The following KCNQ5 variants were observed in gnomAD, a reference collection of about 807,000 sequenced individuals.
The protein encoded by KCNQ5 is potassium voltage-gated channel subfamily Q member 5.
KCNQ5 carries 30 observed loss-of-function variants against 98.2 expected under a neutral mutation model. The ratio of observed to expected loss-of-function variants is 0.31; its 90% CI spans 0.23 to 0.41. The LOEUF is 0.41. Among genes scored for constraint, KCNQ5 ranks in the 10% least tolerant of loss-of-function variants. The pLI, the probability that KCNQ5 is intolerant of heterozygous loss-of-function variation, is 1.00. For synonymous variants in KCNQ5, 458 were observed against 449.4 expected, an observed-to-expected ratio of 1.02 and a Z score of -0.24; for missense variants, 835 against 1,182.5, an observed-to-expected ratio of 0.71 and a Z score of 4.31.
chr6:72,800,751 T>C (rs935710029), intron 1 of KCNQ5, among the ~76,000 whole-genome samples: 11 of 152,242 alleles, frequency 7.2e-5, no homozygotes, highest in Admixed American at 1.3e-4. Context: ...CTGATTTCTC[T>C]TGTGGGCATT....
Position 73,133,879 on chromosome 6 carries a change from T to G in KCNQ5, c.1468+238T>G, listed in dbSNP as rs969448711. On this transcript the variant is annotated intron_variant, in intron 10 of 13. Transcript: ENST00000370398. Reference sequence around the variant, plus strand: ...TTACATTCCAAAGAAGCTGACAAAATGTTGTTAATTCTTCACTTGTATCTA... The same window carrying G: ...TTACATTCCAAAGAAGCTGACAAAAGGTTGTTAATTCTTCACTTGTATCTA... 9 of 654,360 alleles carry G rather than the reference T, an allele frequency of 1.4e-5. No homozygotes were observed. In the African/African-American group the frequency reaches 1.4e-4, roughly 10 times the overall value. The allele number at this position is 654,360 out of a possible 1,614,324, so 40.5% of individuals were successfully genotyped here. A position where few individuals can be genotyped will look rare whatever the true frequency, so the allele number is the denominator to read the frequency against.
rs563705538 is a variant in KCNQ5 at position 73,064,524 on chromosome 6, CT to C, written c.617-12787del. ...GATTATTCATTGGTGGAATCCAAAT[CT>C]TTTTTTTTTTAATCTGCAGTCAAAT... is the stretch of plus-strand genomic sequence containing the variant. On this transcript the variant is annotated intron_variant, in intron 3 of 13. Coordinates refer to ENST00000370398, the MANE Select transcript of KCNQ5 (RefSeq NM_019842.4). 5.2e-3 allele frequency among the ~76,000 whole-genome samples: 749 copies of C among 145,228 alleles called. 3 individuals are homozygous for C. Among genetic ancestry groups the C allele is most frequent in the African/African-American group, 0.015 (595 of 39,844 alleles).
At chr6:72,807,252 A>C (rs1775000730) in intron 1 of KCNQ5, among the ~76,000 whole-genome samples, 1 of 152,134 alleles carries the variant, frequency 6.6e-6, no homozygotes, top group South Asian at 2.1e-4. Context: ...GGCTTAGTTA[A>C]TTGTAAATAC....
intron 1 of KCNQ5, among the ~76,000 whole-genome samples, chr6:72,838,902 A>T (rs1776647686): frequency 7.5e-6 from 1 of 133,832 alleles, no homozygotes; most frequent in African/African-American, 2.9e-5. Context: ...GTGAGCCGAG[A>T]TCCCGCCACT....
chr6:72,985,111 C>T (rs547426943), intron 1 of KCNQ5, among the ~76,000 whole-genome samples: 30 of 152,244 alleles, frequency 2.0e-4, no homozygotes, highest in African/African-American at 6.5e-4. Flanking sequence ...GAGGCTGAAG[C>T]AGGAGGATTG....
chr6:72,727,182 A>T (rs966154289), intron 1 of KCNQ5, among the ~76,000 whole-genome samples: 10 of 152,246 alleles, frequency 6.6e-5, no homozygotes, highest in Non-Finnish European at 1.3e-4. Context: ...TCTCAATATG[A>T]CCTGCCATGG....
intron 1 of KCNQ5, among the ~76,000 whole-genome samples, chr6:72,839,310 A>G (rs1256491714): frequency 6.6e-6 from 1 of 152,224 alleles, no homozygotes; most frequent in Admixed American, 6.5e-5. Flanking sequence ...TTTATACATT[A>G]CAAGCATTTT....
At chr6:72,917,374 C>T (rs1780191744) in intron 1 of KCNQ5, among the ~76,000 whole-genome samples, 1 of 152,052 alleles carries the variant, frequency 6.6e-6, no homozygotes, top group Non-Finnish European at 1.5e-5. Flanking sequence ...TAAACTGAGA[C>T]CATCAAAAAC....
At chr6:72,788,584 T>C (rs1194966955) in intron 1 of KCNQ5, among the ~76,000 whole-genome samples, 2 of 152,246 alleles carry the variant, frequency 1.3e-5, no homozygotes, top group Non-Finnish European at 2.9e-5. Flanking sequence ...GATAGCAGTA[T>C]TATTAAAGAG....
Position 73,192,545 on chromosome 6 carries a change from A to T in KCNQ5, c.1710-20A>T, listed in dbSNP as rs1765628717. On this transcript the variant is annotated intron_variant, in intron 12 of 13. Transcript: ENST00000370398. ...CTCCACCTTCAGCCCTCATAATCAG[A>T]TCTCCTCTTTCTCTGATAGTGTTGA... 2 of 1,594,528 alleles carry T rather than the reference A, an allele frequency of 1.3e-6. No individual in the cohort carries two copies. Among genetic ancestry groups the T allele is most frequent in the South Asian group, 2.3e-5 (2 of 87,022 alleles).
At position 73,053,920 on chromosome 6, in the gene KCNQ5, G is replaced by A. The variant is rs537693680; in HGVS notation, c.616+11858G>A. 4.0e-5 allele frequency among the ~76,000 whole-genome samples: 6 copies of A among 151,882 alleles called. No homozygotes were observed. In the East Asian group the frequency reaches 5.8e-4, roughly 15 times the overall value. ...CAATGAATCCAGGACTTGGTTCTTC[G>A]AAAGAATAAATAAGATAGATAAAAT... On this transcript the variant is annotated intron_variant, in intron 3 of 13. Transcript: ENST00000370398.
chr6:72,947,095 T>G (rs1026306361), intron 1 of KCNQ5, among the ~76,000 whole-genome samples: 1 of 152,184 alleles, frequency 6.6e-6, no homozygotes, highest in African/African-American at 2.4e-5. Context: ...TAACCGCAGC[T>G]GTATCATTGA....
chr6:73,129,874 A>G, intron 9 of KCNQ5: 8 of 1,602,640 alleles, frequency 5.0e-6, no homozygotes, highest in Non-Finnish European at 4.3e-6. Flanking sequence ...GGCTATTGAC[A>G]TGAGATTTGA....
chr6:72,728,443 A>G (rs931917241), intron 1 of KCNQ5, among the ~76,000 whole-genome samples: 2 of 152,178 alleles, frequency 1.3e-5, no homozygotes, highest in Admixed American at 6.5e-5. Flanking sequence ...CCAACATGTA[A>G]TAGTGGAGTA....
At chr6:72,682,051 G>A (rs1339711585) in intron 1 of KCNQ5, among the ~76,000 whole-genome samples, 1 of 152,136 alleles carries the variant, frequency 6.6e-6, no homozygotes, top group Non-Finnish European at 1.5e-5. Context: ...AGTATGTGGA[G>A]AAAAGAGCCT....
At chr6:72,627,825 A>C (rs1046217695) in intron 1 of KCNQ5, among the ~76,000 whole-genome samples, 23 of 147,412 alleles carry the variant, frequency 1.6e-4, no homozygotes, top group African/African-American at 6.2e-4. Flanking sequence ...GCTTCTCCCC[A>C]CATCTTGCAC....
At position 73,153,455 on chromosome 6, in the gene KCNQ5, C is replaced by T. The variant is rs538927814; in HGVS notation, c.1469-16291C>T. Among the ~76,000 whole-genome samples, 3 of 152,202 alleles carry T rather than the reference C, an allele frequency of 2.0e-5. No individual in the cohort carries two copies. The East Asian group carries it at 5.8e-4, about 29-fold the overall frequency. ...TGTCTTAATTATATGTGTATGTGTG[C>T]ATCTTTGTATGTGTGTGTGCTGAAT... is the stretch of plus-strand genomic sequence containing the variant. On this transcript the variant is annotated intron_variant, in intron 10 of 13. Transcript: ENST00000370398.
chr6:73,149,183 T>C (rs539727181), intron 10 of KCNQ5, among the ~76,000 whole-genome samples: 4 of 152,268 alleles, frequency 2.6e-5, no homozygotes, highest in Non-Finnish European at 1.5e-5. Flanking sequence ...TGAGAAGTTA[T>C]GGAATGAGAT....
At chr6:72,626,922 T>G (rs1277928815) in intron 1 of KCNQ5, among the ~76,000 whole-genome samples, 1 of 152,166 alleles carries the variant, frequency 6.6e-6, no homozygotes, top group Non-Finnish European at 1.5e-5. Context: ...CTTGGTTGAT[T>G]TGAGGAATGG....
Sources: allele counts gnomAD v4.1 joint callset (sites outside exome capture counted in the v4.1 genomes callset), GRCh38; gene constraint gnomAD v4.1.1; transcripts MANE v1.5; gene names NCBI Gene and HGNC (gene_info 2026-07-23, HGNC 2026-07-21).